The following CANX variants were observed in gnomAD, a reference collection of about 807,000 sequenced individuals.
The protein encoded by CANX is calnexin.
Under a neutral mutation model 75.7 loss-of-function variants are expected in CANX, and 14 were observed. The observed-to-expected ratio is 0.19, with a 90% CI of 0.12 to 0.29. The LOEUF is 0.29. Ranked by LOEUF, CANX falls within the 10% of genes least tolerant of loss-of-function variation. The pLI is 1.00. For missense variants in CANX, 567 were observed against 713.2 expected (o/e 0.79, Z 2.34); for synonymous variants, 227 against 236.9 (o/e 0.96, Z 0.38).
At position 179,707,161 on chromosome 5, in the gene CANX, A is replaced by G. The variant is rs1255080613; in HGVS notation, c.275A>G (p.Asp92Gly). 5 of 1,600,878 alleles carry G rather than the reference A, an allele frequency of 3.1e-6. No homozygotes were observed. The highest frequency in any genetic ancestry group is 4.3e-6 in the Non-Finnish European group (5 of 1,168,124). Residue 92 changes from aspartate to glycine, a missense_variant, in exon 4 of 15, where the codon GAT (aspartate) becomes GGT (glycine). Around this residue, in one of 3 missense-constraint regions of CANX, gnomAD observed 351 missense variants for 433.8 expected, o/e 0.81. Coordinates refer to ENST00000247461, the MANE Select transcript of CANX (RefSeq NM_001746.4). ...ATTTTATCCAAAGCCAAGAAAGACG[A>G]TACCGATGATGAAATTGCCAAATAT... ...GWILSKAKKD[D>G]TDDEIAKYDG...
In CANX at chr5:179,710,046, A is replaced by G; in HGVS notation, c.702A>G (p.Lys234=). The change falls in exon 7 of 15, where the codon AAA becomes AAG. Residue 234 remains lysine, a synonymous_variant. Coordinates refer to ENST00000247461, the MANE Select transcript of CANX (RefSeq NM_001746.4). ...ADLKTYFTDK[K]THLYTLILNP... Reference sequence around the variant, plus strand: ...TGAAGACCTATTTTACTGATAAGAAAACACATCTTTACACACTAAGTAAGA... The same window carrying G: ...TGAAGACCTATTTTACTGATAAGAAGACACATCTTTACACACTAAGTAAGA... 6.2e-7 allele frequency: 1 copy of G among 1,600,734 alleles called. No homozygotes were observed. The highest frequency in any genetic ancestry group is 8.5e-7 in the Non-Finnish European group (1 of 1,170,332).
At chr5:179,692,459 G>A (rs1776314971) in intron 1 of CANX, among the ~76,000 whole-genome samples, 1 of 152,100 alleles carries the variant, frequency 6.6e-6, no homozygotes, top group Admixed American at 6.6e-5. Context: ...TGTAATCCCA[G>A]CACTTTCAGA....
intron 1 of CANX, among the ~76,000 whole-genome samples, chr5:179,683,523 G>C (rs1047019215): frequency 1.3e-5 from 2 of 151,644 alleles, no homozygotes; most frequent in Non-Finnish European, 2.9e-5. Flanking sequence ...TATCCATCTG[G>C]AGGTATCCAT....
At chr5:179,698,864 G>A, upstream of CANX, 4 of 1,083,212 alleles carry the variant, frequency 3.7e-6, no homozygotes, top group South Asian at 1.7e-5. Context: ...ACCGGATGTC[G>A]GGGCTTGCGC....
At chr5:179,686,703 C>A (rs370795959) in intron 1 of CANX, among the ~76,000 whole-genome samples, 2 of 149,912 alleles carry the variant, frequency 1.3e-5, no homozygotes, top group African/African-American at 4.9e-5. Context: ...TGGGCTCAAG[C>A]GTTGTGCCTG....
intron 1 of CANX, among the ~76,000 whole-genome samples, chr5:179,702,809 C>G (rs1310087611): frequency 6.6e-6 from 1 of 152,048 alleles, no homozygotes; most frequent in Non-Finnish European, 1.5e-5. Flanking sequence ...CTCTTGTTGG[C>G]CAGGCTGCAG....
intron 1 of CANX, among the ~76,000 whole-genome samples, chr5:179,684,926 ATTTT>A (rs71001039): frequency 1.4e-4 from 7 of 49,148 alleles, no homozygotes; most frequent in Middle Eastern, 0.017. Context: ...CTAATTTTGT[ATTTT>A]TTTTTTTTTT....
At chr5:179,695,896 C>T (rs1173660604), upstream of CANX, among the ~76,000 whole-genome samples, 3 of 152,034 alleles carry the variant, frequency 2.0e-5, no homozygotes, top group South Asian at 2.1e-4. Context: ...CCTCGGCCTC[C>T]CAAAGTGCTG....
chr5:179,726,457 T>C (rs1227955818), intron 13 of CANX, among the ~76,000 whole-genome samples: 2 of 150,400 alleles, frequency 1.3e-5, no homozygotes, highest in Non-Finnish European at 2.9e-5. Flanking sequence ...GCGCCTGTAG[T>C]CCCAGCTATT....
chr5:179,725,988 A>G (rs1052011136), intron 13 of CANX, among the ~76,000 whole-genome samples: 14 of 139,852 alleles, frequency 1.0e-4, no homozygotes, highest in Admixed American at 7.9e-4. Flanking sequence ...CTGAGTCTCA[A>G]AAAAAAAAAA....
At chr5:179,686,261 C>A (rs1353412276) in intron 1 of CANX, among the ~76,000 whole-genome samples, 1 of 151,796 alleles carries the variant, frequency 6.6e-6, no homozygotes, top group East Asian at 1.9e-4. Flanking sequence ...CCACACCCAG[C>A]CAATTTCTGT....
At chr5:179,689,379 G>GTTTTTTTTTTTTTTT (rs958473912) in intron 1 of CANX, among the ~76,000 whole-genome samples, 3 of 83,676 alleles carry the variant, frequency 3.6e-5, no homozygotes, top group African/African-American at 4.8e-5. Flanking sequence ...AACCCAACAA[G>GTTTTTTTTTTTTTTT]TTTTTTTTTT....
chr5:179,714,667 A>C (rs190252636), intron 7 of CANX, among the ~76,000 whole-genome samples: 2 of 151,882 alleles, frequency 1.3e-5, no homozygotes, highest in South Asian at 4.2e-4. Context: ...ACAGGTGCCC[A>C]CCACCACGCT....
intron 1 of CANX, among the ~76,000 whole-genome samples, chr5:179,691,557 GA>G (rs951913813): frequency 6.7e-6 from 1 of 149,246 alleles, no homozygotes; most frequent in Non-Finnish European, 1.5e-5. Flanking sequence ...AGAAAAAAAA[GA>G]AAAAAAAATG....
chr5:179,678,721 C>T (rs1421889692), exon 1 of CANX: 1 of 1,537,032 alleles, frequency 6.5e-7, no homozygotes, highest in South Asian at 1.2e-5. Flanking sequence ...CCAGCAAGTG[C>T]ATGCGCGCCA....
At chr5:179,714,386 C>T (rs955130697) in intron 7 of CANX, among the ~76,000 whole-genome samples, 1 of 152,152 alleles carries the variant, frequency 6.6e-6, no homozygotes, top group Non-Finnish European at 1.5e-5. Context: ...TACGATATGT[C>T]AATAAAAACA....
rs1777201817 is a variant in CANX, at chr5:179,707,349, C to T, written c.304+159C>T. Among the ~76,000 whole-genome samples, 3 of 152,156 alleles carry T rather than the reference C, an allele frequency of 2.0e-5. No homozygotes were observed. The South Asian group carries it at 6.2e-4, about 31-fold the overall frequency. On this transcript the variant is annotated intron_variant, in intron 4 of 14. Coordinates refer to ENST00000247461, the MANE Select transcript of CANX (RefSeq NM_001746.4). Reference sequence around the variant, plus strand: ...CCTGTAATCCCAGCACTTTCGGAAGCCAAGGCGGGCAGATCACGAGGTCAG... The same window carrying T: ...CCTGTAATCCCAGCACTTTCGGAAGTCAAGGCGGGCAGATCACGAGGTCAG...
Position 179,720,532 on chromosome 5 carries a change from C to T in CANX, c.1154C>T (p.Pro385Leu), listed in dbSNP as rs556166734. ...DNPNYKGKWK[P>L]PMIDNPSYQG... ...CCCAATTATAAAGGCAAATGGAAGCCTCCTATGATTGACAATCCCAGTTAC... is the reference window on the plus strand; with the variant it reads ...CCCAATTATAAAGGCAAATGGAAGCTTCCTATGATTGACAATCCCAGTTAC... The change falls in exon 10 of 15, where the codon CCT becomes CTT. Residue 385 changes from proline (P) to leucine (L), a missense_variant. Coordinates refer to ENST00000247461, the MANE Select transcript of CANX (RefSeq NM_001746.4). 66 of 1,614,004 alleles carry T rather than the reference C, an allele frequency of 4.1e-5. No homozygotes were observed. The highest frequency in any genetic ancestry group is 5.4e-5 in the Non-Finnish European group (64 of 1,179,890).
chr5:179,684,680 T>C (rs954745470), intron 1 of CANX, among the ~76,000 whole-genome samples: 2 of 151,676 alleles, frequency 1.3e-5, no homozygotes, highest in Non-Finnish European at 2.9e-5. Flanking sequence ...CGTGTCTAAA[T>C]TGTGGGGTTT....
Sources: gnomAD v4.1 joint callset for allele counts (sites outside exome capture counted in the v4.1 genomes callset) on GRCh38, gnomAD v4.1.1 for gene constraint, gnomAD v4.1.1 regional missense constraint, MANE v1.5 for transcripts, NCBI Gene and HGNC (gene_info 2026-07-23, HGNC 2026-07-21) for gene names.